ERG: variants seen among roughly 807,000 people sequenced by gnomAD.
The protein encoded by ERG is transcriptional regulator ERG.
In ERG, 9 loss-of-function variants were observed where a neutral mutation model predicts 55.3. The observed-to-expected ratio is 0.16, with a 90% CI of 0.10 to 0.28. The LOEUF (loss-of-function observed/expected upper bound fraction) is 0.28, where lower values mean the gene tolerates loss of function less well. Among genes scored for constraint, ERG ranks in the 10% least tolerant of loss-of-function variants. The pLI, the probability that ERG is intolerant of heterozygous loss-of-function variation, is 1.00. For synonymous variants in ERG, 223 were observed against 237.3 expected, an observed-to-expected ratio of 0.94 and a Z score of 0.55; for missense variants, 434 against 631.6, an observed-to-expected ratio of 0.69 and a Z score of 3.35.
chr21:38,371,632 TC>T, the ERG span, among the ~76,000 whole-genome samples: 1 of 152,030 alleles, frequency 6.6e-6, no homozygotes, highest in Non-Finnish European at 1.5e-5. Context: ...CATACTTTTT[TC>T]CTATAATGTT....
chr21:38,573,484 T>G (rs931805004), intron 2 of ERG, among the ~76,000 whole-genome samples: 8 of 152,260 alleles, frequency 5.3e-5, no homozygotes, highest in Non-Finnish European at 8.8e-5. Context: ...GAGACATGTT[T>G]ACAGCAATGC....
intron 2 of ERG, among the ~76,000 whole-genome samples, chr21:38,424,187 G>GCTCTCTCTCTCTCT (rs1227355474): frequency 8.2e-5 from 9 of 110,078 alleles, no homozygotes; most frequent in African/African-American, 2.5e-4. Flanking sequence ...CAGAGCTCGA[G>GCTCTCTCTCTCTCT]CTCTCTCTCT....
chr21:38,597,307 T>C (rs2060137010), intron 1 of ERG, among the ~76,000 whole-genome samples: 2 of 152,214 alleles, frequency 1.3e-5, no homozygotes, highest in South Asian at 2.1e-4. Context: ...TATCTGTCTA[T>C]ATATATTTAC....
intron 1 of ERG, among the ~76,000 whole-genome samples, chr21:38,446,226 CAAAAAAAAAA>C (rs71184626): frequency 1.4e-4 from 9 of 63,596 alleles, no homozygotes; most frequent in African/African-American, 3.8e-4. Flanking sequence ...ATAAATGAAC[CAAAAAAAAAA>C]AAAAAAAAAA....
chr21:38,464,443 T>C (rs549353241), intron 1 of ERG, among the ~76,000 whole-genome samples: 6 of 152,378 alleles, frequency 3.9e-5, no homozygotes, highest in African/African-American at 1.4e-4. Context: ...AGCAATTTCA[T>C]TTCATTAATA....
At chr21:38,630,308 C>T (rs528606814) in intron 1 of ERG, among the ~76,000 whole-genome samples, 1 of 152,224 alleles carries the variant, frequency 6.6e-6, no homozygotes, top group Admixed American at 6.5e-5. Flanking sequence ...ATAATGGTGG[C>T]TTAAACCATA....
intron 1 of ERG, among the ~76,000 whole-genome samples, chr21:38,619,011 A>G (rs1345645737): frequency 6.6e-6 from 1 of 152,218 alleles, no homozygotes; most frequent in Non-Finnish European, 1.5e-5. Context: ...AACCAGGGTC[A>G]TGCAAAGCCG....
chr21:38,560,158 A>G (rs1440874318), intron 2 of ERG, among the ~76,000 whole-genome samples: 1 of 152,216 alleles, frequency 6.6e-6, no homozygotes, highest in Non-Finnish European at 1.5e-5. Context: ...GTAGTCTTGC[A>G]AAAGGGAAAT....
chr21:38,572,245 G>A (rs1032999895), intron 2 of ERG, among the ~76,000 whole-genome samples: 1 of 150,736 alleles, frequency 6.6e-6, no homozygotes, highest in East Asian at 2.0e-4. Flanking sequence ...GCAGGTGCCT[G>A]TAGTCCCAGC....
Position 38,429,506 on chromosome 21 carries a change from T to G in ERG, c.237-5945A>C, listed in dbSNP as rs199832403. Among the ~76,000 whole-genome samples the G allele has an allele frequency of 0.017, 1,402 of 81,642 alleles. 620 individuals are homozygous for G. In the East Asian group the frequency reaches 0.19, roughly 11 times the overall value. 53.6% of individuals were successfully genotyped at this position (81,642 alleles called of 152,430 possible). On this transcript the variant is annotated intron_variant, in intron 2 of 9. Transcript: ENST00000288319. The stretch of plus-strand genomic sequence containing the variant: ...ATGTATGCACATGTACATATATACA[T>G]ATGTGTATATACATGTATGCACATG...
At chr21:38,506,876 T>C (rs1568865048) in intron 2 of ERG, among the ~76,000 whole-genome samples, 1 of 152,150 alleles carries the variant, frequency 6.6e-6, no homozygotes, top group Non-Finnish European at 1.5e-5. Flanking sequence ...GCTCTGCCAG[T>C]AGAACAGGGA....
At chr21:38,605,801 C>G (rs2060192945) in intron 1 of ERG, among the ~76,000 whole-genome samples, 1 of 151,670 alleles carries the variant, frequency 6.6e-6, no homozygotes, top group Non-Finnish European at 1.5e-5. Context: ...ATTTCTGTTA[C>G]TTGTATGGTG....
At chr21:38,386,817 C>G (rs1987711470) in intron 9 of ERG, among the ~76,000 whole-genome samples, 2 of 151,824 alleles carry the variant, frequency 1.3e-5, no homozygotes, top group East Asian at 3.9e-4. Flanking sequence ...CTCTTAATAA[C>G]ATCCTTGCGA....
chr21:38,641,035 A>G (rs2060421662), intron 1 of ERG, among the ~76,000 whole-genome samples: 2 of 152,238 alleles, frequency 1.3e-5, no homozygotes, highest in Admixed American at 6.5e-5. Context: ...GCATACATAG[A>G]TAGGCAACCG....
intron 2 of ERG, among the ~76,000 whole-genome samples, chr21:38,517,960 T>C (rs1340277655): frequency 6.6e-6 from 1 of 151,446 alleles, no homozygotes; most frequent in East Asian, 1.9e-4. Context: ...GAGCAGAGAG[T>C]GGGAGTGGAG....
chr21:38,544,124 T>C lies in ERG; in HGVS notation c.-41+31538A>G, dbSNP rs563555942. On this transcript the variant is annotated intron_variant, in intron 2 of 8. Transcript: ENST00000398897. ...CCAAAGAAAGTGAGGAACTAAGTCA[T>C]AAATGATGGGTAGAACATTCCGGAT... 7.9e-4 allele frequency among the ~76,000 whole-genome samples: 121 copies of C among 152,244 alleles called. 1 individual carries two copies. The highest frequency in any genetic ancestry group is 2.8e-3 in the African/African-American group (115 of 41,558).
intron 1 of ERG, among the ~76,000 whole-genome samples, chr21:38,489,216 C>T (rs554614381): frequency 6.6e-6 from 1 of 152,290 alleles, no homozygotes; most frequent in South Asian, 2.1e-4. Flanking sequence ...AGATGTTTTC[C>T]ATCTCCAGAA....
intron 1 of ERG, among the ~76,000 whole-genome samples, chr21:38,464,534 C>A (rs753677720): frequency 6.6e-6 from 1 of 152,058 alleles, no homozygotes; most frequent in African/African-American, 2.4e-5. Flanking sequence ...TTTGAAGTTG[C>A]CTTTATTCTA....
intron 1 of ERG, among the ~76,000 whole-genome samples, chr21:38,450,185 A>T (rs2058927805): frequency 6.8e-6 from 1 of 147,228 alleles, no homozygotes; most frequent in Non-Finnish European, 1.5e-5. Context: ...AGTTCAGGAG[A>T]TCGAGACCAT....
Sources: gnomAD v4.1 joint callset for allele counts (sites outside exome capture counted in the v4.1 genomes callset) on GRCh38, gnomAD v4.1.1 for gene constraint, MANE v1.5 for transcripts, NCBI Gene and HGNC (gene_info 2026-07-23, HGNC 2026-07-21) for gene names.